The following PARP8 variants were observed in gnomAD, a reference collection of about 807,000 sequenced individuals.
PARP8 encodes poly(ADP-ribose) polymerase family member 8, also known as protein mono-ADP-ribosyltransferase PARP8.
PARP8 carries 51 observed loss-of-function variants against 124.1 expected under a neutral mutation model. The observed-to-expected ratio is 0.41, with a 90% CI of 0.33 to 0.52. The LOEUF (loss-of-function observed/expected upper bound fraction) is 0.52, where lower values mean the gene tolerates loss of function less well. Ranked by LOEUF, PARP8 falls within the 20% of genes least tolerant of loss-of-function variation. PARP8 has a pLI of 0.21. For synonymous variants in PARP8, 391 were observed against 361.5 expected (o/e 1.08, Z -0.93); for missense variants, 860 against 1,018.9 (o/e 0.84, Z 2.12).
chr5:50,780,825 A>G (rs1740587589), intron 9 of PARP8, among the ~76,000 whole-genome samples: 1 of 152,186 alleles, frequency 6.6e-6, no homozygotes, highest in African/African-American at 2.4e-5. Context: ...CGAAAAGCAA[A>G]AATGCTTTAG....
chr5:50,725,203 C>T (rs1756309908), intron 2 of PARP8, among the ~76,000 whole-genome samples: 1 of 151,352 alleles, frequency 6.6e-6, no homozygotes, highest in African/African-American at 2.4e-5. Flanking sequence ...TTGATGGGCA[C>T]TTAGATTGGT....
At chr5:50,836,806 T>C (rs1036106119) in intron 25 of PARP8, among the ~76,000 whole-genome samples, 2 of 152,174 alleles carry the variant, frequency 1.3e-5, no homozygotes, top group African/African-American at 4.8e-5. Flanking sequence ...TATTAGATGC[T>C]TGGCCTTGCA....
At chr5:50,834,863 T>C (rs1336410580) in intron 24 of PARP8, 68 bp from the exon 25 acceptor site, 1 of 1,314,566 alleles carries the variant, frequency 7.6e-7, no homozygotes, top group Non-Finnish European at 1.1e-6. Flanking sequence ...AAGAGATATA[T>C]TAAGTCGGAA....
chr5:50,685,631 C>A (rs1751774584), intron 2 of PARP8, among the ~76,000 whole-genome samples: 1 of 152,170 alleles, frequency 6.6e-6, no homozygotes, highest in African/African-American at 2.4e-5. Context: ...GGGTCTCTTT[C>A]TGTAGCCCAA....
At chr5:50,743,318 T>C (rs1758238470) in intron 2 of PARP8, among the ~76,000 whole-genome samples, 1 of 152,144 alleles carries the variant, frequency 6.6e-6, no homozygotes, top group South Asian at 2.1e-4. Flanking sequence ...CTGTAGCTGA[T>C]TGACCTGCAC....
At chr5:50,824,026 G>C (rs1580468130) in intron 17 of PARP8, among the ~76,000 whole-genome samples, 1 of 152,228 alleles carries the variant, frequency 6.6e-6, no homozygotes. Flanking sequence ...ATTATACTGT[G>C]CTGTTTTCTA....
At chr5:50,673,347 C>T (rs1750253020) in intron 2 of PARP8, among the ~76,000 whole-genome samples, 1 of 152,060 alleles carries the variant, frequency 6.6e-6, no homozygotes, top group South Asian at 2.1e-4. Flanking sequence ...ATAAGTATAA[C>T]TTTATTGAGT....
intron 2 of PARP8, among the ~76,000 whole-genome samples, chr5:50,686,892 T>C (rs7717033): frequency 2.0e-5 from 3 of 151,918 alleles, no homozygotes; most frequent in African/African-American, 7.3e-5. Context: ...GCCTAGACCA[T>C]GAAACCATTT....
chr5:50,764,989 C>T (rs1196458625), intron 7 of PARP8, among the ~76,000 whole-genome samples: 2 of 151,734 alleles, frequency 1.3e-5, no homozygotes, highest in Non-Finnish European at 2.9e-5. Context: ...TTGCTGGGCG[C>T]GGTGGCTCAT....
chr5:50,809,121 A>G (rs1744166673), intron 14 of PARP8, among the ~76,000 whole-genome samples: 1 of 152,050 alleles, frequency 6.6e-6, no homozygotes, highest in Non-Finnish European at 1.5e-5. Context: ...TTTAAGCCTA[A>G]TTAGACCTGA....
At chr5:50,690,156 T>C (rs1324416534) in intron 2 of PARP8, among the ~76,000 whole-genome samples, 1 of 152,204 alleles carries the variant, frequency 6.6e-6, no homozygotes, top group East Asian at 1.9e-4. Context: ...CCATCCTTCT[T>C]CCTGCAGCCT....
intron 18 of PARP8, among the ~76,000 whole-genome samples, chr5:50,825,271 A>G (rs1307021095): frequency 6.6e-6 from 1 of 152,222 alleles, no homozygotes; most frequent in African/African-American, 2.4e-5. Flanking sequence ...TAACTAGCTT[A>G]TGTGGCAAAA....
At chr5:50,739,940 G>A (rs1197900903) in intron 2 of PARP8, among the ~76,000 whole-genome samples, 7 of 151,364 alleles carry the variant, frequency 4.6e-5, no homozygotes, top group East Asian at 1.9e-4. Context: ...TAGTAGAGAC[G>A]GGGTTTCACC....
chr5:50,687,327 A>T (rs1009729020), intron 2 of PARP8, among the ~76,000 whole-genome samples: 15 of 152,088 alleles, frequency 9.9e-5, no homozygotes, highest in African/African-American at 3.6e-4. Flanking sequence ...TCTCATCTCC[A>T]TCTCAGACCA....
intron 14 of PARP8, among the ~76,000 whole-genome samples, chr5:50,802,223 T>G (rs1160225479): frequency 6.6e-6 from 1 of 152,308 alleles, no homozygotes; most frequent in Non-Finnish European, 1.5e-5. Flanking sequence ...AATTCCCATG[T>G]TGTAGCTTTT....
intron 14 of PARP8, among the ~76,000 whole-genome samples, chr5:50,808,350 A>G (rs1744088396): frequency 6.6e-6 from 1 of 151,978 alleles, no homozygotes; most frequent in African/African-American, 2.4e-5. Flanking sequence ...TCTACATTTT[A>G]TATGTGAAAA....
chr5:50,797,883 A>C (rs1420329588), intron 14 of PARP8, among the ~76,000 whole-genome samples: 1 of 152,242 alleles, frequency 6.6e-6, no homozygotes, highest in African/African-American at 2.4e-5. Context: ...TCACAATATT[A>C]TATAACCATT....
At chr5:50,744,550 C>T (rs923912191) in intron 2 of PARP8, among the ~76,000 whole-genome samples, 11 of 152,188 alleles carry the variant, frequency 7.2e-5, no homozygotes, top group African/African-American at 2.6e-4. Context: ...TATTGAGGTG[C>T]AATAAAATAA....
chr5:50,739,566 G>T (rs974096107), intron 2 of PARP8, among the ~76,000 whole-genome samples: 1 of 151,460 alleles, frequency 6.6e-6, no homozygotes, highest in Non-Finnish European at 1.5e-5. Flanking sequence ...ATTTTCTGAG[G>T]TTTATATTGT....
Sources: allele counts gnomAD v4.1 joint callset (sites outside exome capture counted in the v4.1 genomes callset), GRCh38; gene constraint gnomAD v4.1.1; transcripts MANE v1.5; gene names NCBI Gene and HGNC (gene_info 2026-07-23, HGNC 2026-07-21).